The following ZNF879 variants were observed in gnomAD, a reference collection of about 807,000 sequenced individuals.
The protein encoded by ZNF879 is zinc finger protein 879.
A neutral mutation model predicts 44.3 loss-of-function variants in ZNF879; 32 were observed. The observed-to-expected ratio is 0.72, with a 90% CI of 0.54 to 0.97. The LOEUF (loss-of-function observed/expected upper bound fraction) is 0.97. ZNF879 is among the 50% of genes least tolerant of loss of function. The pLI is 0.00. For synonymous variants in ZNF879, 234 were observed against 233.2 expected, an observed-to-expected ratio of 1.00 and a Z score of -0.03; for missense variants, 621 against 669.7, an observed-to-expected ratio of 0.93 and a Z score of 0.80.
At chr5:179,026,423 CTTG>C (rs1761271757) in intron 2 of ZNF879, among the ~76,000 whole-genome samples, 3 of 152,266 alleles carry the variant, frequency 2.0e-5, no homozygotes, top group East Asian at 1.9e-4. Flanking sequence ...ATGAGCACTT[CTTG>C]TTGTTTTGCT....
Position 179,032,223 on chromosome 5 carries a change from G to A in ZNF879, c.275G>A (p.Gly92Glu), listed in dbSNP as rs796526997. 1 of 1,520,472 alleles carries A rather than the reference G, an allele frequency of 6.6e-7. No homozygotes were observed. Among genetic ancestry groups the A allele is most frequent in the African/African-American group, 1.4e-5 (1 of 71,008 alleles). The allele number at this position is 1,520,472 out of a possible 1,614,324, so 94.2% of individuals were successfully genotyped here. A position where few individuals can be genotyped will look rare whatever the true frequency, so the allele number is the denominator to read the frequency against. The change falls in exon 5 of 5, where the codon GGA (glycine) becomes GAA (glutamate). Residue 92 changes from glycine (G) to glutamate (E), a missense_variant. Gly to Glu is a moderately conservative substitution (Grantham distance 98). Transcript: ENST00000444149. Reference sequence around the variant, plus strand: ...ACTTTAGGATGGGAAAGCTTGTTTGGAACCATAGTTTCTAAAGAAGAAAAT... The same window carrying A: ...ACTTTAGGATGGGAAAGCTTGTTTGAAACCATAGTTTCTAAAGAAGAAAAT... ...GAHLGWESLF[G>E]TIVSKEENQE... is the part of the protein sequence containing the mutation.
At chr5:179,031,909 G>T (rs1017063913) in intron 4 of ZNF879, among the ~76,000 whole-genome samples, 2 of 152,156 alleles carry the variant, frequency 1.3e-5, no homozygotes, top group African/African-American at 4.8e-5. Flanking sequence ...GGGAGATGAC[G>T]CTGAGGGACA....
Position 179,032,673 on chromosome 5 carries a change from GC to G in ZNF879, c.727del (p.Gln243LysfsTer5). On this transcript the variant is annotated frameshift_variant, in exon 5 of 5. Transcript: ENST00000444149. LOFTEE classifies it high-confidence loss of function. ...TGTAAGGAATGTAGGAAAGCCTTCA[GC>G]CAAAGCTCATCCCTAACTCAGCACT... The part of the protein sequence containing the change: ...YKCKECRKAF[S>X]QSSSLTQHLR... 6.4e-7 allele frequency: 1 copy of G among 1,565,616 alleles called. No individual in the cohort carries two copies. The highest frequency in any genetic ancestry group is 8.7e-7 in the Non-Finnish European group (1 of 1,155,248).
At chr5:179,031,638 C>T (rs1163952353) in intron 4 of ZNF879, among the ~76,000 whole-genome samples, 1 of 152,216 alleles carries the variant, frequency 6.6e-6, no homozygotes, top group Admixed American at 6.5e-5. Context: ...TATCACACTG[C>T]TGGAATGAAA....
In ZNF879 at chr5:179,025,003, A is replaced by C; in HGVS notation, c.-2A>C. The C allele has an allele frequency of 6.4e-7, 1 of 1,551,510 alleles. No individual in the cohort carries two copies. Among genetic ancestry groups the C allele is most frequent in the South Asian group, 1.2e-5 (1 of 84,046 alleles). On this transcript the variant is annotated 5_prime_UTR_variant, in exon 2 of 5. Transcript: ENST00000444149. Reference sequence around the variant, plus strand: ...TCCAAGAGAGGCAGCAGGGAGGGAGAAATGGCAAGGAGGTTGCTGCCAGCC... The same window carrying C: ...TCCAAGAGAGGCAGCAGGGAGGGAGCAATGGCAAGGAGGTTGCTGCCAGCC...
At chr5:179,030,260 A>G (rs569069828) in intron 4 of ZNF879, among the ~76,000 whole-genome samples, 1 of 152,324 alleles carries the variant, frequency 6.6e-6, no homozygotes, top group South Asian at 2.1e-4. Flanking sequence ...TGCAACTGGT[A>G]GTCTTTCTGA....
Position 179,034,533 on chromosome 5 carries a change from G to A in ZNF879, c.*893G>A, listed in dbSNP as rs1761532980. On this transcript the variant is annotated 3_prime_UTR_variant, in exon 5 of 5. Coordinates refer to ENST00000444149, the MANE Select transcript of ZNF879 (RefSeq NM_001136116.3). ...AGGCCCAGGAACAATGTAGAACTCA[G>A]GTCATCATCCTTGGAGGTAAAATGA... The A allele has an allele frequency of 6.6e-6, 1 of 152,180 alleles. No individual in the cohort carries two copies. Among genetic ancestry groups the A allele is most frequent in the African/African-American group, 2.4e-5 (1 of 41,436 alleles). 9.4% of individuals were successfully genotyped at this position (152,180 alleles called of 1,614,324 possible).
Position 179,027,685 on chromosome 5 carries a change from C to A in ZNF879, c.160+86C>A. 3 of 1,526,108 alleles carry A rather than the reference C, an allele frequency of 2.0e-6. No homozygotes were observed. The South Asian group carries it at 3.8e-5, about 19-fold the overall frequency. 94.5% of individuals were successfully genotyped at this position (1,526,108 alleles called of 1,614,324 possible). On this transcript the variant is annotated intron_variant, in intron 3 of 4. Coordinates refer to ENST00000444149, the MANE Select transcript of ZNF879 (RefSeq NM_001136116.3). Reference sequence around the variant, plus strand: ...GCACATTTGGAGGGCTTGGCCAGGTCGGCTCACAGGTGGGCTCCAAGAGTG... The same window carrying A: ...GCACATTTGGAGGGCTTGGCCAGGTAGGCTCACAGGTGGGCTCCAAGAGTG...
rs9329065 is a variant in ZNF879 at position 179,027,338 on chromosome 5, A to G, written c.34-135A>G. On this transcript the variant is annotated intron_variant, in intron 2 of 4. Coordinates refer to ENST00000444149, the MANE Select transcript of ZNF879 (RefSeq NM_001136116.3). ...TTCACTCACCATAGGTAAATGATAA[A>G]TGTGTGCTTGGTAACTGAAAAGTTG... The G allele has an allele frequency of 1.6e-3, 1,970 of 1,265,614 alleles. 27 individuals are homozygous for G. The African/African-American group carries it at 0.026, about 17-fold the overall frequency. The allele number at this position is 1,265,614 out of a possible 1,614,324, so 78.4% of individuals were successfully genotyped here. A position where few individuals can be genotyped will look rare whatever the true frequency, so the allele number is the denominator to read the frequency against.
chr5:179,033,718 GTGA>G lies in ZNF879; in HGVS notation c.*82_*84del. The stretch of plus-strand genomic sequence containing the variant: ...TCAAAAAATTCATTGTGGGGAGAAA[GTGA>G]TGAAGAGTAGTTAATCATAGGTAAA... On this transcript the variant is annotated 3_prime_UTR_variant, in exon 5 of 5. Transcript: ENST00000444149. 1 of 1,081,856 alleles carries G rather than the reference GTGA, an allele frequency of 9.2e-7. No homozygotes were observed. The allele number at this position is 1,081,856 out of a possible 1,614,324, so 67.0% of individuals were successfully genotyped here.
chr5:179,032,175 A>G (rs1761433334), intron 4 of ZNF879, 30 bp from the exon 5 acceptor site: 5 of 1,440,794 alleles, frequency 3.5e-6, no homozygotes, highest in Non-Finnish European at 4.6e-6. Flanking sequence ...TCTGAGTTCA[A>G]GAGAGACTTA....
chr5:179,032,584 C>G lies in ZNF879; in HGVS notation c.636C>G (p.Ile212Met), dbSNP rs561680018. 60 of 1,554,754 alleles carry G rather than the reference C, an allele frequency of 3.9e-5. No homozygotes were observed. In the East Asian group the frequency reaches 7.5e-4, roughly 20 times the overall value. Reference protein sequence around the residue: ...KCYKCNICGKIFLHSSSLSKH... With the variant: ...KCYKCNICGKMFLHSSSLSKH... ...ATAAATGTAATATCTGTGGGAAAAT[C>G]TTCCTCCACAGTTCCTCCCTGAGTA... Residue 212 changes from isoleucine to methionine, a missense_variant, in exon 5 of 5, where the codon ATC becomes ATG. Ile to Met is a conservative substitution (Grantham distance 10). Transcript: ENST00000444149.
In ZNF879 at chr5:179,032,894, T is replaced by C. The variant is rs998987548; in HGVS notation, c.946T>C (p.Tyr316His). The C allele has an allele frequency of 2.0e-5, 32 of 1,570,896 alleles. No homozygotes were observed. Among genetic ancestry groups the C allele is most frequent in the Non-Finnish European group, 2.8e-5 (32 of 1,157,958 alleles). ...GCGAATTCACACAGGAGAGAAGCCC[T>C]ATAAGTGTAATGAATGTGGGAGGGC... is the stretch of plus-strand genomic sequence containing the variant. ...HQRIHTGEKPYKCNECGRAFS... is the reference protein window; with the variant it reads ...HQRIHTGEKPHKCNECGRAFS... Residue 316 changes from tyrosine to histidine, a missense_variant, in exon 5 of 5, where the codon TAT becomes CAT. Physicochemically the swap from Tyr to His is moderately conservative, Grantham distance 83. Transcript: ENST00000444149.
At chr5:179,027,384 T>A in intron 2 of ZNF879, 89 bp from the exon 3 acceptor site, 1 of 1,548,340 alleles carries the variant, frequency 6.5e-7, no homozygotes. Flanking sequence ...CTTGAAATAC[T>A]TAGAACCCTA....
Position 179,027,488 on chromosome 5 carries a change from A to G in ZNF879, c.49A>G (p.Arg17Gly). The stretch of plus-strand genomic sequence containing the variant: ...GCCATTCCAGGAGTCCGTGACGTTC[A>G]GGGATGTGGCCGTGTTCTTCAGCCA... ...PAHVQESVTF[R>G]DVAVFFSQDE... is the part of the protein sequence containing the mutation. The change falls in exon 3 of 5, where the codon AGG (arginine) becomes GGG (glycine). Residue 17 changes from arginine to glycine, a missense_variant. Physicochemically the swap from Arg to Gly is moderately radical, Grantham distance 125 (BLOSUM62 -2). Transcript: ENST00000444149. The G allele has an allele frequency of 1.2e-6, 2 of 1,614,094 alleles. No individual in the cohort carries two copies. Among genetic ancestry groups the G allele is most frequent in the Non-Finnish European group, 1.7e-6 (2 of 1,180,000 alleles).
Position 179,032,985 on chromosome 5 carries a change from G to T in ZNF879, c.1037G>T (p.Cys346Phe). The T allele has an allele frequency of 6.4e-7, 1 of 1,556,866 alleles. No individual in the cohort carries two copies. The highest frequency in any genetic ancestry group is 1.4e-5 in the African/African-American group (1 of 73,272). The stretch of plus-strand genomic sequence containing the variant: ...CATACTGGGGAGAAACCGTATGAAT[G>T]TACTCAGTGTGGGAAAGCCTTCACT... ...RIHTGEKPYECTQCGKAFTSI... is the reference protein window; with the variant it reads ...RIHTGEKPYEFTQCGKAFTSI... Residue 346 changes from cysteine to phenylalanine, a missense_variant, in exon 5 of 5, where the codon TGT becomes TTT. Cys to Phe is a radical substitution (Grantham distance 205, BLOSUM62 -2). Transcript: ENST00000444149.
At chr5:179,025,415 C>T (rs1761236324) in intron 2 of ZNF879, among the ~76,000 whole-genome samples, 1 of 152,002 alleles carries the variant, frequency 6.6e-6, no homozygotes, top group African/African-American at 2.4e-5. Flanking sequence ...GTCTTGAACT[C>T]CTGACCTCAA....
At position 179,032,969 on chromosome 5, in the gene ZNF879, G is replaced by A. The variant is rs954815342; in HGVS notation, c.1021G>A (p.Glu341Lys). The change falls in exon 5 of 5, where the codon GAG (glutamate) becomes AAG (lysine). Residue 341 changes from glutamate to lysine, a missense_variant. Glu to Lys is a moderately conservative substitution (Grantham distance 56). Transcript: ENST00000444149. ...TCAGCACCACAGAATTCATACTGGG[G>A]AGAAACCGTATGAATGTACTCAGTG... is the stretch of plus-strand genomic sequence containing the variant. The part of the protein sequence containing the change: ...LIQHHRIHTG[E>K]KPYECTQCGK... 3 of 1,557,950 alleles carry A rather than the reference G, an allele frequency of 1.9e-6. No homozygotes were observed. The African/African-American group carries it at 4.1e-5, about 21-fold the overall frequency.
chr5:179,026,481 CGTTTT>C (rs1028945202), intron 2 of ZNF879, among the ~76,000 whole-genome samples: 13 of 151,850 alleles, frequency 8.6e-5, no homozygotes, highest in African/African-American at 3.1e-4. Context: ...TAAGATGATT[CGTTTT>C]GTTTTGTTTT....
Sources: gnomAD v4.1 joint callset for allele counts (sites outside exome capture counted in the v4.1 genomes callset) on GRCh38, gnomAD v4.1.1 for gene constraint, MANE v1.5 for transcripts, NCBI Gene and HGNC (gene_info 2026-07-23, HGNC 2026-07-21) for gene names.